The following PCOLCE2 variants were observed in gnomAD, a reference collection of about 807,000 sequenced individuals.
PCOLCE2 encodes procollagen C-proteinase enhancer 2.
Under a neutral mutation model 47.0 loss-of-function variants are expected in PCOLCE2, and 42 were observed. The observed-to-expected ratio is 0.89, with a 90% CI of 0.70 to 1.16. PCOLCE2 has a LOEUF of 1.16. PCOLCE2 is among the 50% of genes most tolerant of loss of function. The probability of loss-of-function intolerance (pLI) is 0.00; values close to 1 mark genes in which losing one functional copy is unlikely to be tolerated. For synonymous variants in PCOLCE2, 169 were observed against 191.7 expected (o/e 0.88, Z 0.98); for missense variants, 500 against 526.1 (o/e 0.95, Z 0.49).
chr3:142,838,630 G>T, intron 5 of PCOLCE2, 140 bp downstream of exon 5: 1 of 706,960 alleles, frequency 1.4e-6, no homozygotes, highest in Admixed American at 2.5e-5. Context: ...ACAGCAGTGC[G>T]AGAACTAATA....
At chr3:142,845,844 G>A (rs182694235) in intron 3 of PCOLCE2, among the ~76,000 whole-genome samples, 11 of 152,176 alleles carry the variant, frequency 7.2e-5, no homozygotes, top group Middle Eastern at 6.8e-3. Context: ...GCATGGTGGC[G>A]CATGCCTGTA....
At chr3:142,859,056 A>G (rs992837535) in intron 2 of PCOLCE2, among the ~76,000 whole-genome samples, 1 of 150,250 alleles carries the variant, frequency 6.7e-6, no homozygotes, top group Non-Finnish European at 1.5e-5. Flanking sequence ...TACAACACCC[A>G]TGTTTTCTTC....
At chr3:142,831,224 TCA>T (rs926134391) in intron 5 of PCOLCE2, among the ~76,000 whole-genome samples, 3 of 152,268 alleles carry the variant, frequency 2.0e-5, no homozygotes, top group Non-Finnish European at 4.4e-5. Flanking sequence ...AGGAATGGAT[TCA>T]TCCATTCACA....
At chr3:142,865,216 G>C (rs1933261466) in intron 2 of PCOLCE2, among the ~76,000 whole-genome samples, 1 of 150,174 alleles carries the variant, frequency 6.7e-6, no homozygotes, top group Admixed American at 6.6e-5. Flanking sequence ...TTGTGGTTTT[G>C]ATTGCATTTC....
At chr3:142,859,251 C>CG (rs1933132937) in intron 2 of PCOLCE2, among the ~76,000 whole-genome samples, 1 of 151,804 alleles carries the variant, frequency 6.6e-6, no homozygotes, top group Admixed American at 6.6e-5. Flanking sequence ...TTAGTGGAGA[C>CG]GGGGTTTCAC....
chr3:142,868,215 G>C (rs1933320113), intron 2 of PCOLCE2, among the ~76,000 whole-genome samples: 1 of 152,088 alleles, frequency 6.6e-6, no homozygotes. Flanking sequence ...CACTGTCTAG[G>C]ACAGTGTTTC....
Position 142,826,186 on chromosome 3 carries a change from T to C in PCOLCE2, c.866-2571A>G, listed in dbSNP as rs535570631. On this transcript the variant is annotated intron_variant, in intron 6 of 8. Transcript: ENST00000295992. ...CGCCCGGCTAATTTTTTTGTATTTT[T>C]TTAGTAGAGGCGGGGTTTCACCGTG... Among the ~76,000 whole-genome samples the C allele has an allele frequency of 9.9e-5, 15 of 152,192 alleles. 1 individual carries two copies. The highest frequency in any genetic ancestry group is 3.6e-4 in the African/African-American group (15 of 41,542).
chr3:142,852,629 C>T (rs1168766701), intron 2 of PCOLCE2, among the ~76,000 whole-genome samples: 1 of 149,980 alleles, frequency 6.7e-6, no homozygotes, highest in Admixed American at 6.7e-5. Flanking sequence ...TAGTGGGTTT[C>T]CTTCCATGCT....
chr3:142,853,909 C>T (rs1174738566), intron 2 of PCOLCE2, among the ~76,000 whole-genome samples: 2 of 152,200 alleles, frequency 1.3e-5, no homozygotes, highest in African/African-American at 2.4e-5. Context: ...TGGGCCAAAG[C>T]GTAGAGCTTC....
intron 2 of PCOLCE2, among the ~76,000 whole-genome samples, chr3:142,871,075 C>A (rs1404344600): frequency 2.0e-5 from 3 of 152,210 alleles, no homozygotes; most frequent in Non-Finnish European, 4.4e-5. Context: ...CCTCTGTCTT[C>A]CCTGTACAGT....
Position 142,829,363 on chromosome 3 carries a change from C to T in PCOLCE2, c.865+329G>A, listed in dbSNP as rs575916405. ...CCTAGAACTTCAACCTAAAATATCACAATTCTATGTAATAAAAAGCAAACG... is the reference window on the plus strand; with the variant it reads ...CCTAGAACTTCAACCTAAAATATCATAATTCTATGTAATAAAAAGCAAACG... On this transcript the variant is annotated intron_variant, in intron 6 of 8. Transcript: ENST00000295992. 2.0e-5 allele frequency among the ~76,000 whole-genome samples: 3 copies of T among 150,704 alleles called. No homozygotes were observed. The South Asian group carries it at 6.3e-4, about 32-fold the overall frequency.
intron 5 of PCOLCE2, among the ~76,000 whole-genome samples, chr3:142,833,284 GTT>G (rs1937170663): frequency 6.6e-6 from 1 of 152,018 alleles, no homozygotes; most frequent in Non-Finnish European, 1.5e-5. Flanking sequence ...CATCTTCTGG[GTT>G]CAAGGGAACC....
chr3:142,864,650 C>G (rs1933246583), intron 2 of PCOLCE2, among the ~76,000 whole-genome samples: 1 of 152,208 alleles, frequency 6.6e-6, no homozygotes, highest in Non-Finnish European at 1.5e-5. Context: ...ATTTCTCATG[C>G]CCATCTGCAG....
intron 6 of PCOLCE2, among the ~76,000 whole-genome samples, chr3:142,826,306 C>T (rs980711176): frequency 1.3e-5 from 2 of 152,258 alleles, no homozygotes; most frequent in Middle Eastern, 3.4e-3. Context: ...CGCACCTAGC[C>T]GACCCTGCCT....
intron 2 of PCOLCE2, among the ~76,000 whole-genome samples, chr3:142,879,991 A>G (rs1018410568): frequency 1.3e-5 from 2 of 148,380 alleles, no homozygotes; most frequent in East Asian, 1.9e-4. Flanking sequence ...AAAAAAAAAA[A>G]GGAATTGTAA....
rs111731854 is a variant in PCOLCE2 at position 142,842,285 on chromosome 3, T to A, written c.573+639A>T. Among the ~76,000 whole-genome samples the A allele has an allele frequency of 3.4e-3, 523 of 152,294 alleles. 8 individuals carry two copies. Among genetic ancestry groups the A allele is most frequent in the African/African-American group, 0.012 (503 of 41,558 alleles). On this transcript the variant is annotated intron_variant, in intron 4 of 8. Coordinates refer to ENST00000295992, the MANE Select transcript of PCOLCE2 (RefSeq NM_013363.4). This position sits in a 1 kb window ranked among gnomAD's most constrained non-coding sequence, Gnocchi z 4.1. ...CCTGAAATGTCCATGGACCTGGGGA[T>A]TTTTATCCTCCCACAGTTAGTCGCT... is the stretch of plus-strand genomic sequence containing the variant.
intron 2 of PCOLCE2, among the ~76,000 whole-genome samples, chr3:142,866,594 A>T (rs1410593027): frequency 6.6e-6 from 1 of 152,236 alleles, no homozygotes; most frequent in African/African-American, 2.4e-5. Flanking sequence ...AAAAATGTTG[A>T]AAAATATGAA....
chr3:142,839,742 T>G lies in PCOLCE2; in HGVS notation c.574-836A>C, dbSNP rs190517544. ...TGTATACATATATCAAAATATAATG[T>G]TGCACATGATAAATATATATGTTGC... On this transcript the variant is annotated intron_variant, in intron 4 of 8. Coordinates refer to ENST00000295992, the MANE Select transcript of PCOLCE2 (RefSeq NM_013363.4). Among the ~76,000 whole-genome samples the G allele has an allele frequency of 1.9e-4, 29 of 152,354 alleles. No individual in the cohort carries two copies. The East Asian group carries it at 5.6e-3, about 29-fold the overall frequency.
intron 5 of PCOLCE2, among the ~76,000 whole-genome samples, chr3:142,833,003 C>G (rs1012096709): frequency 1.3e-5 from 2 of 152,214 alleles, no homozygotes; most frequent in Non-Finnish European, 2.9e-5. Context: ...TCAATAGCCG[C>G]CGCCAGGGCT....
Sources: allele counts gnomAD v4.1 joint callset (sites outside exome capture counted in the v4.1 genomes callset), GRCh38; gene constraint gnomAD v4.1.1; non-coding constraint Gnocchi (gnomAD v3.1); transcripts MANE v1.5; gene names NCBI Gene and HGNC (gene_info 2026-07-23, HGNC 2026-07-21).